The following SMOC1 variants were observed in gnomAD, a reference collection of about 807,000 sequenced individuals.
The protein encoded by SMOC1 is SPARC-related modular calcium-binding protein 1.
In SMOC1, 22 loss-of-function variants were observed where a neutral mutation model predicts 56.3. The observed-to-expected ratio is 0.39, with a 90% CI of 0.28 to 0.56. The LOEUF is 0.56. Ranked by LOEUF, SMOC1 falls within the 20% of genes least tolerant of loss-of-function variation. The pLI is 0.61. For missense variants in SMOC1, 509 were observed against 565.4 expected, an observed-to-expected ratio of 0.90 and a Z score of 1.01; for synonymous variants, 193 against 215.0, an observed-to-expected ratio of 0.90 and a Z score of 0.89.
chr14:69,931,997 C>T (rs763651255), intron 1 of SMOC1, among the ~76,000 whole-genome samples: 5 of 152,152 alleles, frequency 3.3e-5, no homozygotes, highest in Non-Finnish European at 5.9e-5. Context: ...CTGACCTCAC[C>T]AGGGCCAAAG....
chr14:69,961,272 G>GTATGTA (rs1883364103), intron 3 of SMOC1, among the ~76,000 whole-genome samples: 1 of 74,968 alleles, frequency 1.3e-5, no homozygotes, highest in Non-Finnish European at 2.5e-5. Flanking sequence ...ATTCTATTGT[G>GTATGTA]TATATATATA....
At chr14:70,011,449 CCCCTCCCAA>C in intron 8 of SMOC1, 27 bp from the exon 9 acceptor site, 1 of 1,257,900 alleles carries the variant, frequency 7.9e-7, no homozygotes, top group Non-Finnish European at 1.2e-6. Flanking sequence ...CAGTTGCCAG[CCCCTCCCAA>C]CCCCCCCCAT....
intron 2 of SMOC1, 89 bp from the exon 3 acceptor site, chr14:69,953,331 C>T: frequency 8.2e-7 from 1 of 1,219,178 alleles, no homozygotes. Flanking sequence ...GGCTCCCGCA[C>T]AGGTGGAGTG....
chr14:70,013,250 T>G (rs1487901189), intron 9 of SMOC1, 136 bp from the exon 10 acceptor site: 1 of 765,482 alleles, frequency 1.3e-6, no homozygotes, highest in Non-Finnish European at 2.3e-6. Context: ...ACTCATCTGA[T>G]CAGTAAACAA....
At chr14:69,922,820 C>T (rs1884882843) in intron 1 of SMOC1, among the ~76,000 whole-genome samples, 2 of 152,146 alleles carry the variant, frequency 1.3e-5, no homozygotes, top group South Asian at 4.2e-4. Flanking sequence ...TAACTGAAAA[C>T]CAACAGAAGT....
intron 1 of SMOC1, among the ~76,000 whole-genome samples, chr14:69,931,575 C>T (rs1022084961): frequency 2.0e-5 from 3 of 152,176 alleles, no homozygotes; most frequent in Non-Finnish European, 4.4e-5. Flanking sequence ...AATTGATCAA[C>T]AGGAAATAAG....
intron 7 of SMOC1, among the ~76,000 whole-genome samples, chr14:70,002,132 G>A (rs748095118): frequency 3.5e-4 from 54 of 152,192 alleles, no homozygotes; most frequent in Admixed American, 9.2e-4. Flanking sequence ...CTGGGCTGGA[G>A]CTGGAGACAG....
At position 70,030,689 on chromosome 14, in the gene SMOC1, TG is replaced by T. The variant is rs1886118392; in HGVS notation, c.*434del. 1 of 168,902 alleles carries T rather than the reference TG, an allele frequency of 5.9e-6. No homozygotes were observed. The highest frequency in any genetic ancestry group is 2.4e-5 in the African/African-American group (1 of 41,758). The allele number at this position is 168,902 out of a possible 1,614,324, so 10.5% of individuals were successfully genotyped here. A position where few individuals can be genotyped will look rare whatever the true frequency, so the allele number is the denominator to read the frequency against. On this transcript the variant is annotated 3_prime_UTR_variant, in exon 12 of 12. Coordinates refer to ENST00000361956, the MANE Select transcript of SMOC1 (RefSeq NM_001034852.3). ...CTCTCCCTCTGCCTGCTGTGGGTGG[TG>T]GGCACTCTGGACACATAGTCCAGCT... is the stretch of plus-strand genomic sequence containing the variant.
At chr14:69,941,253 G>A (rs1415662970) in intron 1 of SMOC1, among the ~76,000 whole-genome samples, 1 of 152,174 alleles carries the variant, frequency 6.6e-6, no homozygotes, top group African/African-American at 2.4e-5. Context: ...TTTGGTTCTT[G>A]GTGCTTTTAT....
At chr14:70,012,390 A>G (rs1885371670) in intron 9 of SMOC1, among the ~76,000 whole-genome samples, 1 of 152,264 alleles carries the variant, frequency 6.6e-6, no homozygotes, top group Admixed American at 6.5e-5. Context: ...CAAAGTTGAC[A>G]TGAGACTTAC....
At chr14:69,909,801 A>C (rs1884508158) in intron 1 of SMOC1, among the ~76,000 whole-genome samples, 1 of 152,220 alleles carries the variant, frequency 6.6e-6, no homozygotes, top group Non-Finnish European at 1.5e-5. Flanking sequence ...TAATTTGTTT[A>C]TCATTGATTC....
chr14:70,005,630 G>GT (rs1354974076), intron 7 of SMOC1, among the ~76,000 whole-genome samples: 4 of 152,132 alleles, frequency 2.6e-5, no homozygotes, highest in African/African-American at 9.7e-5. Context: ...TTGCTTGGAT[G>GT]TTTTTTCTAT....
intron 5 of SMOC1, among the ~76,000 whole-genome samples, chr14:69,988,960 ATTG>A (rs1328195020): frequency 6.6e-6 from 1 of 152,198 alleles, no homozygotes; most frequent in Non-Finnish European, 1.5e-5. Context: ...AGACATTTGG[ATTG>A]TTTTCAGTTT....
In SMOC1 at chr14:70,001,151, G is replaced by C. The variant is rs985660482; in HGVS notation, c.664+6671G>C. Among the ~76,000 whole-genome samples, 4 of 152,230 alleles carry C rather than the reference G, an allele frequency of 2.6e-5. No homozygotes were observed. The East Asian group carries it at 7.7e-4, about 29-fold the overall frequency. On this transcript the variant is annotated intron_variant, in intron 7 of 11. Transcript: ENST00000361956. ...TCTGGCCCCTGAGTCACTGGGAAGT[G>C]CACCTGATTTTGTTTAATTGTAAGA... is the stretch of plus-strand genomic sequence containing the variant.
intron 1 of SMOC1, among the ~76,000 whole-genome samples, chr14:69,921,864 G>C (rs1217299971): frequency 6.6e-6 from 1 of 152,200 alleles, no homozygotes; most frequent in Non-Finnish European, 1.5e-5. Flanking sequence ...TAGGAATCAA[G>C]ATGGAGAAAG....
At chr14:70,011,351 C>T (rs550550348) in intron 8 of SMOC1, 134 bp from the exon 9 acceptor site, 63 of 824,164 alleles carry the variant, frequency 7.6e-5, no homozygotes, top group Admixed American at 4.9e-4. Context: ...TGCCGGGCAG[C>T]GCAAGAGATA....
At chr14:69,934,666 G>A (rs1410076971) in intron 1 of SMOC1, among the ~76,000 whole-genome samples, 1 of 152,190 alleles carries the variant, frequency 6.6e-6, no homozygotes, top group East Asian at 1.9e-4. Flanking sequence ...GAATGTGGTG[G>A]TAGGATCTTA....
Position 69,931,396 on chromosome 14 carries a change from C to T in SMOC1, c.100-20742C>T, listed in dbSNP as rs117401538. On this transcript the variant is annotated intron_variant, in intron 1 of 11. Transcript: ENST00000361956. Reference sequence around the variant, plus strand: ...CTTCAGCTCCACTCGCTGTCGTCCTCTGGACAATTCCATGACAGGCGGGCA... The same window carrying T: ...CTTCAGCTCCACTCGCTGTCGTCCTTTGGACAATTCCATGACAGGCGGGCA... 1.9e-3 allele frequency among the ~76,000 whole-genome samples: 294 copies of T among 152,366 alleles called. 2 individuals carry two copies. The East Asian group carries it at 0.03, about 15-fold the overall frequency.
intron 8 of SMOC1, 33 bp from the exon 9 acceptor site, chr14:70,011,452 C>G: frequency 5.9e-6 from 8 of 1,359,486 alleles, no homozygotes; most frequent in Non-Finnish European, 8.4e-6. Context: ...TTGCCAGCCC[C>G]TCCCAACCCC....
Sources: allele counts gnomAD v4.1 joint callset (sites outside exome capture counted in the v4.1 genomes callset), GRCh38; gene constraint gnomAD v4.1.1; transcripts MANE v1.5; gene names NCBI Gene and HGNC (gene_info 2026-07-23, HGNC 2026-07-21).